Variants in CFAP221 observed in about 807,000 individuals in gnomAD.
CFAP221 encodes cilia- and flagella-associated protein 221.
In CFAP221, 97 loss-of-function variants were observed where a neutral mutation model predicts 113.1. The observed-to-expected ratio is 0.86, with a 90% CI of 0.73 to 1.02. The LOEUF (loss-of-function observed/expected upper bound fraction) is 1.02. Ranked by LOEUF, CFAP221 falls within the 50% of genes least tolerant of loss-of-function variation. The pLI is 0.00. For missense variants in CFAP221, 1,025 were observed against 1,013.4 expected, an observed-to-expected ratio of 1.01 and a Z score of -0.16; for synonymous variants, 331 against 354.4, an observed-to-expected ratio of 0.93 and a Z score of 0.74.
intron 16 of CFAP221, among the ~76,000 whole-genome samples, chr2:119,629,295 G>T (rs1050127564): frequency 2.6e-5 from 4 of 152,204 alleles, no homozygotes; most frequent in African/African-American, 4.8e-5. Flanking sequence ...AGTTCTTCGG[G>T]GGTTCACACC....
intron 19 of CFAP221, among the ~76,000 whole-genome samples, chr2:119,634,772 G>T (rs1687009712): frequency 6.6e-6 from 1 of 152,212 alleles, no homozygotes; most frequent in Non-Finnish European, 1.5e-5. Flanking sequence ...ATAATAGCCA[G>T]ATTGACATAA....
rs1478774684 is a variant in CFAP221, at chr2:119,560,012, C to T, written c.412C>T (p.Arg138Cys). Residue 138 changes from arginine (R) to cysteine (C), a missense_variant, in exon 5 of 24, where the codon CGT (arginine) becomes TGT (cysteine). Arg to Cys is a radical substitution (Grantham distance 180, BLOSUM62 -3). Transcript: ENST00000413369. ...DEWRYYYDCI[R>C]VHCKGDDTLL... ...GTGGCGATACTATTATGACTGCATC[C>T]GTGTTCACTGTAAGGTAGGTCTCTT... The T allele has an allele frequency of 1.3e-5, 19 of 1,519,228 alleles. No homozygotes were observed. Among genetic ancestry groups the T allele is most frequent in the African/African-American group, 9.7e-5 (7 of 71,946 alleles). The allele number at this position is 1,519,228 out of a possible 1,614,324, so 94.1% of individuals were successfully genotyped here.
At chr2:119,607,607 A>G (rs1414898429) in intron 11 of CFAP221, among the ~76,000 whole-genome samples, 2 of 152,192 alleles carry the variant, frequency 1.3e-5, no homozygotes, top group East Asian at 3.8e-4. Context: ...CCACTACCCA[A>G]TTCCAGAACA....
chr2:119,594,550 T>A (rs1683828752), intron 7 of CFAP221, among the ~76,000 whole-genome samples: 1 of 152,136 alleles, frequency 6.6e-6, no homozygotes, highest in Non-Finnish European at 1.5e-5. Context: ...AGTCATCATG[T>A]GTATTCTTTA....
chr2:119,564,071 G>T (rs1047618632), intron 6 of CFAP221, among the ~76,000 whole-genome samples: 1 of 152,160 alleles, frequency 6.6e-6, no homozygotes, highest in African/African-American at 2.4e-5. Flanking sequence ...GGGAAGCAAG[G>T]CCTAAAGAGC....
chr2:119,603,311 A>G (rs573856359), intron 8 of CFAP221, among the ~76,000 whole-genome samples: 36 of 152,222 alleles, frequency 2.4e-4, no homozygotes, highest in South Asian at 1.0e-3. Context: ...TTGCTCCCCA[A>G]TATTTAACAG....
chr2:119,655,672 C>CTCTG (rs1688386045), intron 23 of CFAP221, among the ~76,000 whole-genome samples: 1 of 152,200 alleles, frequency 6.6e-6, no homozygotes, highest in African/African-American at 2.4e-5. Context: ...AGCACCATGA[C>CTCTG]AGTCTCTGAG....
At chr2:119,588,003 G>C (rs1683338948) in intron 7 of CFAP221, among the ~76,000 whole-genome samples, 2 of 152,162 alleles carry the variant, frequency 1.3e-5, no homozygotes, top group African/African-American at 4.8e-5. Context: ...GGTAACCACT[G>C]TTTATATTGC....
At chr2:119,654,404 CCTT>C (rs138548304) in intron 23 of CFAP221, among the ~76,000 whole-genome samples, 4,204 of 152,018 alleles carry the variant, frequency 0.028, 71 homozygotes, top group Non-Finnish European at 0.041. Context: ...TAAATGAAAA[CCTT>C]TTTTTTTTTC....
chr2:119,584,233 A>G (rs1683043161), intron 6 of CFAP221, among the ~76,000 whole-genome samples: 1 of 152,246 alleles, frequency 6.6e-6, no homozygotes, highest in Non-Finnish European at 1.5e-5. Flanking sequence ...AAATCAAAAA[A>G]TAAACTATGG....
rs950789364 is a variant in CFAP221, at chr2:119,635,433, G to T, written c.1975-2826G>T. On this transcript the variant is annotated intron_variant, in intron 19 of 23. Transcript: ENST00000413369. ...GACAAAAAAGATTACATGCTGTTTT[G>T]TTCAATTTAGTTAAAAGTCTAGAAC... is the stretch of plus-strand genomic sequence containing the variant. Among the ~76,000 whole-genome samples the T allele has an allele frequency of 6.6e-5, 10 of 152,258 alleles. No individual in the cohort carries two copies. In the South Asian group the frequency reaches 2.1e-3, roughly 32 times the overall value.
At chr2:119,627,566 T>A (rs1434557223) in intron 15 of CFAP221, 87 bp from the exon 16 acceptor site, 3 of 1,297,098 alleles carry the variant, frequency 2.3e-6, no homozygotes, top group Non-Finnish European at 3.2e-6. Flanking sequence ...CACTAATTGG[T>A]ATATGGAAAA....
At chr2:119,618,168 G>A (rs1685652390) in intron 14 of CFAP221, among the ~76,000 whole-genome samples, 1 of 152,144 alleles carries the variant, frequency 6.6e-6, no homozygotes. Context: ...ATACACACGT[G>A]GAATATCAGC....
At position 119,608,860 on chromosome 2, in the gene CFAP221, T is replaced by C. The variant is rs754099944; in HGVS notation, c.1221+271T>C. Among the ~76,000 whole-genome samples, 66 of 152,310 alleles carry C rather than the reference T, an allele frequency of 4.3e-4. 1 individual carries two copies. In the Middle Eastern group the frequency reaches 0.014, roughly 31 times the overall value. On this transcript the variant is annotated intron_variant, in intron 12 of 23. Transcript: ENST00000413369. ...AGACATTGTATAATTTTTTGAAAAG[T>C]AGCAAAGAGGACAAAGGCATTCACA...
At position 119,604,743 on chromosome 2, in the gene CFAP221, A is replaced by C. The variant is rs766054974; in HGVS notation, c.863A>C (p.His288Pro). ...VNVPPEKAMM[H>P]INFHRPPAKP... ...GTTCCTCCAGAAAAAGCAATGATGCATATAAATTTTCACCGACCGCCAGCG... is the reference window on the plus strand; with the variant it reads ...GTTCCTCCAGAAAAAGCAATGATGCCTATAAATTTTCACCGACCGCCAGCG... The change falls in exon 9 of 24, where the codon CAT becomes CCT. Residue 288 changes from histidine to proline, a missense_variant. By Grantham distance (77) the His-to-Pro change is moderately conservative (BLOSUM62 -2). Coordinates refer to ENST00000413369, the MANE Select transcript of CFAP221 (RefSeq NM_001271049.2). 1.3e-5 allele frequency: 20 copies of C among 1,550,616 alleles called. No individual in the cohort carries two copies. The highest frequency in any genetic ancestry group is 1.6e-5 in the Non-Finnish European group (19 of 1,153,320).
chr2:119,561,910 A>G (rs1243642010), intron 5 of CFAP221, 104 bp from the exon 6 acceptor site: 1 of 807,636 alleles, frequency 1.2e-6, no homozygotes, highest in Non-Finnish European at 1.9e-6. Context: ...TTAAGGAAAT[A>G]TTTTTTAACG....
rs545505213 is a variant in CFAP221, at chr2:119,644,827, C to G, written c.2226-2131C>G. Among the ~76,000 whole-genome samples, 4 of 152,286 alleles carry G rather than the reference C, an allele frequency of 2.6e-5. No individual in the cohort carries two copies. The South Asian group carries it at 6.2e-4, about 24-fold the overall frequency. ...TCCATATCCATAGAGTTATTGCTTG[C>G]TTTCCACCATTCCATATTTGTATCT... is the stretch of plus-strand genomic sequence containing the variant. On this transcript the variant is annotated intron_variant, in intron 21 of 23. Coordinates refer to ENST00000413369, the MANE Select transcript of CFAP221 (RefSeq NM_001271049.2).
At chr2:119,646,924 T>G (rs1247104292) in intron 21 of CFAP221, 34 bp from the exon 22 acceptor site, 2 of 1,561,118 alleles carry the variant, frequency 1.3e-6, no homozygotes, top group Non-Finnish European at 1.8e-6. Flanking sequence ...CTAGTGTGAC[T>G]CTATCTTTGA....
chr2:119,653,018 A>G (rs1295284100), intron 23 of CFAP221, among the ~76,000 whole-genome samples: 1 of 149,458 alleles, frequency 6.7e-6, no homozygotes, highest in Non-Finnish European at 1.5e-5. Context: ...GTTTAAATAT[A>G]CATTATATGG....
Sources: allele counts gnomAD v4.1 joint callset (sites outside exome capture counted in the v4.1 genomes callset), GRCh38; gene constraint gnomAD v4.1.1; transcripts MANE v1.5; gene names NCBI Gene and HGNC (gene_info 2026-07-23, HGNC 2026-07-21).